Variants in SLC39A11 observed in about 807,000 individuals in gnomAD.
The protein encoded by SLC39A11 is solute carrier family 39 member 11.
A neutral mutation model predicts 36.1 loss-of-function variants in SLC39A11; 33 were observed. The observed-to-expected ratio is 0.91, with a 90% CI of 0.69 to 1.22. The LOEUF (loss-of-function observed/expected upper bound fraction) is 1.22, where lower values mean the gene tolerates loss of function less well. Among genes scored for constraint, SLC39A11 ranks in the 50% most tolerant of loss-of-function variants. The pLI is 0.00. For synonymous variants in SLC39A11, 166 were observed against 170.3 expected (o/e 0.97, Z 0.20); for missense variants, 432 against 430.3 (o/e 1.00, Z -0.03).
chr17:72,666,303 G>A (rs966374044), intron 7 of SLC39A11, among the ~76,000 whole-genome samples: 3 of 152,106 alleles, frequency 2.0e-5, no homozygotes, highest in Non-Finnish European at 2.9e-5. Flanking sequence ...CAAAACCATC[G>A]CATTGTGCAC....
intron 7 of SLC39A11, among the ~76,000 whole-genome samples, chr17:72,657,895 G>A (rs1423498392): frequency 2.0e-5 from 3 of 152,176 alleles, no homozygotes; most frequent in African/African-American, 7.2e-5. Context: ...GCCCTCTAGA[G>A]AGCCAGCTTC....
At chr17:72,810,084 CAAAAAA>C (rs10708067) in intron 6 of SLC39A11, among the ~76,000 whole-genome samples, 1 of 136,710 alleles carries the variant, frequency 7.3e-6, no homozygotes, top group Non-Finnish European at 1.6e-5. Context: ...ACAAAAACAA[CAAAAAA>C]AAAAAAAAAG....
chr17:72,763,787 A>G (rs1435520959), intron 6 of SLC39A11, among the ~76,000 whole-genome samples: 1 of 152,212 alleles, frequency 6.6e-6, no homozygotes, highest in Non-Finnish European at 1.5e-5. Context: ...TGGAGCGACC[A>G]GCTTCACTTG....
intron 4 of SLC39A11, among the ~76,000 whole-genome samples, chr17:72,948,347 C>T: frequency 6.6e-6 from 1 of 151,652 alleles, no homozygotes; most frequent in Non-Finnish European, 1.5e-5. Context: ...TCGCCGCACG[C>T]ACACAAAACC....
intron 7 of SLC39A11, among the ~76,000 whole-genome samples, chr17:72,671,146 GA>G (rs1313243374): frequency 6.6e-6 from 1 of 152,142 alleles, no homozygotes; most frequent in Non-Finnish European, 1.5e-5. Context: ...CAGTAATTCA[GA>G]TAAGATGCTC....
At chr17:72,872,127 G>A (rs895615164) in intron 5 of SLC39A11, among the ~76,000 whole-genome samples, 1 of 152,216 alleles carries the variant, frequency 6.6e-6, no homozygotes, top group African/African-American at 2.4e-5. Context: ...CTATGATGGT[G>A]TCTGCTCCTG....
At chr17:72,959,311 A>ATGTGTGTGTGTGTGTG (rs1214552224) in intron 4 of SLC39A11, among the ~76,000 whole-genome samples, 12 of 92,588 alleles carry the variant, frequency 1.3e-4, no homozygotes, top group African/African-American at 5.0e-4. Context: ...TGGTGTATGT[A>ATGTGTGTGTGTGTGTG]TGTGTGTGTG....
intron 6 of SLC39A11, among the ~76,000 whole-genome samples, chr17:72,828,203 G>A (rs2078112044): frequency 6.6e-6 from 1 of 152,254 alleles, no homozygotes; most frequent in Non-Finnish European, 1.5e-5. Flanking sequence ...TGGGGCTGCA[G>A]AAGGCACTAA....
chr17:72,784,212 G>A (rs1339362912), intron 6 of SLC39A11, among the ~76,000 whole-genome samples: 2 of 152,120 alleles, frequency 1.3e-5, no homozygotes, highest in Non-Finnish European at 1.5e-5. Flanking sequence ...GGGCATGGTG[G>A]CGCATGCCTG....
chr17:73,018,365 A>G (rs1404078836), intron 4 of SLC39A11, among the ~76,000 whole-genome samples: 3 of 152,094 alleles, frequency 2.0e-5, no homozygotes, highest in Non-Finnish European at 4.4e-5. Flanking sequence ...CCTGGCCAAC[A>G]TGGAAAAACC....
intron 6 of SLC39A11, among the ~76,000 whole-genome samples, chr17:72,794,169 C>T (rs1414258871): frequency 2.0e-5 from 3 of 152,138 alleles, no homozygotes; most frequent in African/African-American, 4.8e-5. Flanking sequence ...TCACTGTACA[C>T]AGCTCACAAT....
intron 7 of SLC39A11, among the ~76,000 whole-genome samples, chr17:72,657,928 T>C (rs893094722): frequency 3.3e-5 from 5 of 152,172 alleles, no homozygotes; most frequent in Admixed American, 1.3e-4. Flanking sequence ...ACCAGCCCCA[T>C]TGATGCTGGG....
intron 4 of SLC39A11, among the ~76,000 whole-genome samples, chr17:72,996,582 C>T (rs556064471): frequency 6.6e-6 from 1 of 152,288 alleles, no homozygotes; most frequent in African/African-American, 2.4e-5. Context: ...CCATCTTGGC[C>T]TCCATCTTTG....
intron 7 of SLC39A11, among the ~76,000 whole-genome samples, chr17:72,727,268 C>T (rs188072234): frequency 4.2e-4 from 64 of 152,274 alleles, no homozygotes; most frequent in African/African-American, 1.4e-3. Flanking sequence ...AAAGGAAAAC[C>T]GCTTAAGCAT....
intron 7 of SLC39A11, among the ~76,000 whole-genome samples, chr17:72,736,158 A>C (rs1013579478): frequency 6.6e-6 from 1 of 152,220 alleles, no homozygotes; most frequent in Non-Finnish European, 1.5e-5. Flanking sequence ...GTGAGAAGGA[A>C]GGATGCTCTG....
intron 5 of SLC39A11, among the ~76,000 whole-genome samples, chr17:72,901,289 T>G (rs756894476): frequency 6.6e-6 from 1 of 152,216 alleles, no homozygotes; most frequent in Non-Finnish European, 1.5e-5. Context: ...CACAGGCCCC[T>G]GCTGAGGCGA....
chr17:72,978,062 ATCT>A (rs1417232778), intron 4 of SLC39A11, among the ~76,000 whole-genome samples: 5 of 152,220 alleles, frequency 3.3e-5, no homozygotes, highest in Non-Finnish European at 5.9e-5. Context: ...GTCGTTGAGA[ATCT>A]TCCAGGCCGT....
At chr17:72,666,575 C>T (rs912415150) in intron 7 of SLC39A11, among the ~76,000 whole-genome samples, 8 of 152,200 alleles carry the variant, frequency 5.3e-5, no homozygotes, top group African/African-American at 1.9e-4. Flanking sequence ...GGGGCTTTCT[C>T]CCCCACTGCC....
At chr17:72,757,561 C>A (rs1001555578) in intron 6 of SLC39A11, among the ~76,000 whole-genome samples, 2 of 152,078 alleles carry the variant, frequency 1.3e-5, no homozygotes, top group Admixed American at 1.3e-4. Flanking sequence ...GGCAATGAAA[C>A]CTGCCTTATG....
Sources: allele counts gnomAD v4.1 joint callset (sites outside exome capture counted in the v4.1 genomes callset), GRCh38; gene constraint gnomAD v4.1.1; transcripts MANE v1.5; gene names NCBI Gene and HGNC (gene_info 2026-07-23, HGNC 2026-07-21).